KCNA2: variants seen among roughly 807,000 people sequenced by gnomAD.
The protein encoded by KCNA2 is potassium voltage-gated channel subfamily A member 2.
A neutral mutation model predicts 33.4 loss-of-function variants in KCNA2; 11 were observed. That is an observed-to-expected ratio of 0.33 (90% CI 0.21 to 0.55). The LOEUF is 0.55. Among genes scored for constraint, KCNA2 ranks in the 20% least tolerant of loss-of-function variants. The pLI is 0.93. For missense variants in KCNA2, 291 were observed against 621.6 expected, an observed-to-expected ratio of 0.47 and a Z score of 5.66; for synonymous variants, 222 against 231.3, an observed-to-expected ratio of 0.96 and a Z score of 0.37.
At chr1:110,621,595 C>G in intron 1 of KCNA2, among the ~76,000 whole-genome samples, 1 of 152,072 alleles carries the variant, frequency 6.6e-6, no homozygotes, top group South Asian at 2.1e-4. Context: ...AGATAAGTAT[C>G]TAGCCAGTCT....
chr1:110,620,343 C>G (rs989620856), intron 1 of KCNA2, among the ~76,000 whole-genome samples: 4 of 152,186 alleles, frequency 2.6e-5, no homozygotes, highest in Admixed American at 2.6e-4. Context: ...CACTGATCAC[C>G]GCCCCATCCA....
chr1:110,624,682 A>G (rs188501966), intron 1 of KCNA2, among the ~76,000 whole-genome samples: 121 of 152,334 alleles, frequency 7.9e-4, no homozygotes, highest in Non-Finnish European at 1.5e-3. Flanking sequence ...TGATGGGAAA[A>G]ATGTGCCAAC....
At position 110,599,421 on chromosome 1, in the gene KCNA2, T is replaced by C. The variant is rs1393026090; in HGVS notation, c.*3862A>G. The C allele has an allele frequency of 1.0e-6, 1 of 985,444 alleles. No individual in the cohort carries two copies. The highest frequency in any genetic ancestry group is 6.1e-5 in the Admixed American group (1 of 16,288). 61.0% of individuals were successfully genotyped at this position (985,444 alleles called of 1,614,324 possible). A position where few individuals can be genotyped will look rare whatever the true frequency, so the allele number is the denominator to read the frequency against. ...ACTTTTTACTTAAGCTGAACTGGGTTGCATAGCAATTGGATGGGAGGCAGG... is the reference window on the plus strand; with the variant it reads ...ACTTTTTACTTAAGCTGAACTGGGTCGCATAGCAATTGGATGGGAGGCAGG... On this transcript the variant is annotated 3_prime_UTR_variant, in exon 3 of 3. Coordinates refer to ENST00000316361, the MANE Select transcript of KCNA2 (RefSeq NM_004974.4).
chr1:110,609,863 G>A (rs1465336983), upstream of KCNA2, among the ~76,000 whole-genome samples: 2 of 152,226 alleles, frequency 1.3e-5, no homozygotes, highest in African/African-American at 4.8e-5. Flanking sequence ...ACACTTGCTA[G>A]CTGTATGAAC....
chr1:110,610,185 G>A (rs982399756), upstream of KCNA2, among the ~76,000 whole-genome samples: 1 of 152,220 alleles, frequency 6.6e-6, no homozygotes, highest in Non-Finnish European at 1.5e-5. Context: ...AGAGGGAAGG[G>A]CTGTGGTGGC....
rs551402557 is a variant in KCNA2, at chr1:110,595,759, G to A, written c.*7524C>T. ...TTAGGTTTAGTCATAATAAAAAACAGAATGGATTTGTTAGTTCCATTGATT... is the reference window on the plus strand; with the variant it reads ...TTAGGTTTAGTCATAATAAAAAACAAAATGGATTTGTTAGTTCCATTGATT... On this transcript the variant is annotated 3_prime_UTR_variant, in exon 3 of 3. Transcript: ENST00000316361. The A allele has an allele frequency of 1.0e-6, 1 of 985,430 alleles. No homozygotes were observed. Among genetic ancestry groups the A allele is most frequent in the East Asian group, 1.1e-4 (1 of 8,824 alleles). The allele number at this position is 985,430 out of a possible 1,614,324, so 61.0% of individuals were successfully genotyped here.
intron 1 of KCNA2, among the ~76,000 whole-genome samples, chr1:110,612,682 G>T (rs746197218): frequency 3.3e-5 from 5 of 152,164 alleles, no homozygotes; most frequent in Non-Finnish European, 7.4e-5. Context: ...TAAAGTGCAG[G>T]TAGGATCTAT....
chr1:110,598,019 G>A lies in KCNA2; in HGVS notation c.*5264C>T, dbSNP rs954602577. 1 of 985,270 alleles carries A rather than the reference G, an allele frequency of 1.0e-6. No individual in the cohort carries two copies. The highest frequency in any genetic ancestry group is 1.7e-5 in the African/African-American group (1 of 57,236). 61.0% of individuals were successfully genotyped at this position (985,270 alleles called of 1,614,324 possible). On this transcript the variant is annotated 3_prime_UTR_variant, in exon 3 of 3. Coordinates refer to ENST00000316361, the MANE Select transcript of KCNA2 (RefSeq NM_004974.4). ...AACAAGGGCTAAGTCTGAAGATATA[G>A]ATGATGGTCACAATAGCTACTGAGA... is the stretch of plus-strand genomic sequence containing the variant.
In KCNA2 at chr1:110,598,531, G is replaced by C. The variant is rs1649199338; in HGVS notation, c.*4752C>G. 1 of 985,232 alleles carries C rather than the reference G, an allele frequency of 1.0e-6. No homozygotes were observed. The allele number at this position is 985,232 out of a possible 1,614,324, so 61.0% of individuals were successfully genotyped here. ...TCACTATAATATAGTGAGAGATCCA[G>C]GAAGAATAGGTAGAACAAGCTAGTC... On this transcript the variant is annotated 3_prime_UTR_variant, in exon 3 of 3. Transcript: ENST00000316361.
upstream of KCNA2, chr1:110,607,764 G>A (rs1649726816): frequency 6.6e-6 from 1 of 152,376 alleles, no homozygotes; most frequent in East Asian, 1.9e-4. Flanking sequence ...TCCAGCCCCG[G>A]GAGAGACGTG....
chr1:110,596,893 C>T lies in KCNA2; in HGVS notation c.*6390G>A. On this transcript the variant is annotated 3_prime_UTR_variant, in exon 3 of 3. Coordinates refer to ENST00000316361, the MANE Select transcript of KCNA2 (RefSeq NM_004974.4). ...GGGACCCTGGGGTTGCCAGCCTTCC[C>T]TGATTGTCCAGTCTGAACATTTAAG... is the stretch of plus-strand genomic sequence containing the variant. 3 of 985,454 alleles carry T rather than the reference C, an allele frequency of 3.0e-6. No homozygotes were observed. Among genetic ancestry groups the T allele is most frequent in the Non-Finnish European group, 3.6e-6 (3 of 829,948 alleles). 61.0% of individuals were successfully genotyped at this position (985,454 alleles called of 1,614,324 possible).
chr1:110,625,913 T>A (rs1183197722), intron 1 of KCNA2, among the ~76,000 whole-genome samples: 1 of 152,218 alleles, frequency 6.6e-6, no homozygotes, highest in Non-Finnish European at 1.5e-5. Flanking sequence ...TTTTTTGACC[T>A]ATTGATTTGG....
chr1:110,595,821 T>C lies in KCNA2; in HGVS notation c.*7462A>G, dbSNP rs536875623. 2.0e-6 allele frequency: 2 copies of C among 985,472 alleles called. No individual in the cohort carries two copies. Among genetic ancestry groups the C allele is most frequent in the East Asian group, 2.3e-4 (2 of 8,824 alleles). The allele number at this position is 985,472 out of a possible 1,614,324, so 61.0% of individuals were successfully genotyped here. On this transcript the variant is annotated 3_prime_UTR_variant, in exon 3 of 3. Coordinates refer to ENST00000316361, the MANE Select transcript of KCNA2 (RefSeq NM_004974.4). Reference sequence around the variant, plus strand: ...CACCTTCTGTGTGGCAGAGATGTGCTTTAGTTCTTCATTGGAATGTTACTT... The same window carrying C: ...CACCTTCTGTGTGGCAGAGATGTGCCTTAGTTCTTCATTGGAATGTTACTT...
chr1:110,604,012 G>A lies in KCNA2; in HGVS notation c.771C>T (p.Ile257=), dbSNP rs1649479852. The A allele has an allele frequency of 1.9e-6, 3 of 1,614,218 alleles. No homozygotes were observed. Among genetic ancestry groups the A allele is most frequent in the Non-Finnish European group, 1.7e-6 (2 of 1,180,036 alleles). Residue 257 remains isoleucine, a synonymous_variant, in exon 3 of 3, where the codon ATC becomes ATT. Coordinates refer to ENST00000316361, the MANE Select transcript of KCNA2 (RefSeq NM_004974.4). The surrounding 1 kb of genome is among the most constrained non-coding windows in gnomAD (Gnocchi z 7.6). ...KAGFFTNIMN[I]IDIVAIIPYF... ...AGGGGATGATGGCCACAATGTCAATGATGTTCATGATGTTGGTGAAGAAGC... is the reference window on the plus strand; with the variant it reads ...AGGGGATGATGGCCACAATGTCAATAATGTTCATGATGTTGGTGAAGAAGC...
At chr1:110,605,039 GTTC>G (rs1437829667) in intron 2 of KCNA2, 94 bp from the exon 3 acceptor site, 1 of 511,490 alleles carries the variant, frequency 2.0e-6, no homozygotes, top group Non-Finnish European at 3.4e-6. Context: ...TCAGCCAAGA[GTTC>G]AGACACATGA....
chr1:110,611,043 AGG>A, upstream of KCNA2, among the ~76,000 whole-genome samples: 1 of 151,902 alleles, frequency 6.6e-6, no homozygotes, highest in Non-Finnish European at 1.5e-5. Flanking sequence ...GAAGGAAGGA[AGG>A]AAGGAAGGAA....
chr1:110,600,948 T>G lies in KCNA2; in HGVS notation c.*2335A>C. ...GTGAGGCCTGGGCTGGAGCCACCCC[T>G]GCATAGCCCGACCCCTGCAATTCAC... On this transcript the variant is annotated 3_prime_UTR_variant, in exon 3 of 3. Coordinates refer to ENST00000316361, the MANE Select transcript of KCNA2 (RefSeq NM_004974.4). 1 of 985,476 alleles carries G rather than the reference T, an allele frequency of 1.0e-6. No homozygotes were observed. The highest frequency in any genetic ancestry group is 1.2e-6 in the Non-Finnish European group (1 of 829,964). 61.0% of individuals were successfully genotyped at this position (985,476 alleles called of 1,614,324 possible).
Position 110,606,348 on chromosome 1 carries a change from G to C in KCNA2, c.-616C>G, listed in dbSNP as rs1239038035. 2 of 152,232 alleles carry C rather than the reference G, an allele frequency of 1.3e-5. No homozygotes were observed. The highest frequency in any genetic ancestry group is 2.9e-5 in the Non-Finnish European group (2 of 68,066). The allele number at this position is 152,232 out of a possible 1,614,324, so 9.4% of individuals were successfully genotyped here. Reference sequence around the variant, plus strand: ...AAATCCCTCACATCTCCTCGGCAGGGAGCACAGAATAAACGCTCCGCCTGC... The same window carrying C: ...AAATCCCTCACATCTCCTCGGCAGGCAGCACAGAATAAACGCTCCGCCTGC... On this transcript the variant is annotated 5_prime_UTR_variant, in exon 1 of 3. Transcript: ENST00000316361.
rs142558001 is a variant in KCNA2 at position 110,629,327 on chromosome 1, A to G, written c.-496+2068T>C. Among the ~76,000 whole-genome samples, 973 of 152,338 alleles carry G rather than the reference A, an allele frequency of 6.4e-3. 9 individuals are homozygous for G. Among genetic ancestry groups the G allele is most frequent in the African/African-American group, 0.022 (910 of 41,554 alleles). On this transcript the variant is annotated intron_variant, in intron 1 of 4. Coordinates refer to the KCNA2 transcript ENST00000369770. The stretch of plus-strand genomic sequence containing the variant: ...CCCCAATGGATATGAAAGTTTGGGA[A>G]CTACTGGTTTTGGAAATGCATTTTT...
Sources: allele counts gnomAD v4.1 joint callset (sites outside exome capture counted in the v4.1 genomes callset), GRCh38; gene constraint gnomAD v4.1.1; non-coding constraint Gnocchi (gnomAD v3.1); transcripts MANE v1.5; gene names NCBI Gene and HGNC (gene_info 2026-07-23, HGNC 2026-07-21).